Variants in HPCAL1 observed in about 807,000 individuals in gnomAD.
The protein encoded by HPCAL1 is hippocalcin like 1, also known as hippocalcin-like protein 1.
Under a neutral mutation model 17.1 loss-of-function variants are expected in HPCAL1, and 8 were observed. The observed-to-expected ratio is 0.47, with a 90% confidence interval of 0.27 to 0.84. The LOEUF is 0.84. Among genes scored for constraint, HPCAL1 ranks in the 40% least tolerant of loss-of-function variants. The probability of loss-of-function intolerance (pLI) is 0.13; values close to 1 mark genes in which losing one functional copy is unlikely to be tolerated. For missense variants in HPCAL1, 165 were observed against 271.1 expected (o/e 0.61, Z 2.75); for synonymous variants, 112 against 111.4 (o/e 1.01, Z -0.03).
chr2:10,405,491 C>G (rs190930963), intron 2 of HPCAL1, among the ~76,000 whole-genome samples: 6 of 152,364 alleles, frequency 3.9e-5, no homozygotes, highest in Admixed American at 6.5e-5. Context: ...CCCGTAGTCT[C>G]AGTTTTGCTC....
At position 10,343,137 on chromosome 2, in the gene HPCAL1, C is replaced by A. The variant is rs987879720; in HGVS notation, c.-111+39960C>A. Among the ~76,000 whole-genome samples the A allele has an allele frequency of 3.3e-5, 5 of 152,218 alleles. No homozygotes were observed. The highest frequency in any genetic ancestry group is 5.9e-5 in the Non-Finnish European group (4 of 68,040). On this transcript the variant is annotated intron_variant, in intron 1 of 4. Coordinates refer to ENST00000307845, the MANE Select transcript of HPCAL1 (RefSeq NM_002149.4). This position sits in a 1 kb window ranked among gnomAD's most constrained non-coding sequence, Gnocchi z 4.8. ...CTGATGTGCAGTGGGTATGCACTGG[C>A]AAGCCGTGCACTGTCACAATATTAA... is the stretch of plus-strand genomic sequence containing the variant.
intron 2 of HPCAL1, among the ~76,000 whole-genome samples, chr2:10,410,529 T>C (rs1423994834): frequency 7.0e-6 from 1 of 142,800 alleles, no homozygotes; most frequent in Non-Finnish European, 1.5e-5. Context: ...AAGTGACTCA[T>C]TAACTCCCTC....
At chr2:10,361,833 C>T (rs531138996) in intron 1 of HPCAL1, among the ~76,000 whole-genome samples, 3 of 151,866 alleles carry the variant, frequency 2.0e-5, no homozygotes, top group African/African-American at 7.3e-5. Flanking sequence ...TTTCCTGCTT[C>T]GGCTTCCTGA....
Position 10,415,111 on chromosome 2 carries a change from T to G in HPCAL1, c.-24-4623T>G, listed in dbSNP as rs150716453. On this transcript the variant is annotated intron_variant, in intron 2 of 4. Transcript: ENST00000307845. Reference sequence around the variant, plus strand: ...GGTGCCCCAGCTTGAGTCTCAGTGCTCTGAGGGACATAGCGCAGAGTGGGA... The same window carrying G: ...GGTGCCCCAGCTTGAGTCTCAGTGCGCTGAGGGACATAGCGCAGAGTGGGA... 7.1e-3 allele frequency among the ~76,000 whole-genome samples: 1,089 copies of G among 152,308 alleles called. 16 individuals carry two copies. The highest frequency in any genetic ancestry group is 0.025 in the African/African-American group (1,051 of 41,564).
intron 1 of HPCAL1, among the ~76,000 whole-genome samples, chr2:10,334,957 C>A (rs1664627611): frequency 1.3e-5 from 2 of 152,208 alleles, no homozygotes; most frequent in Non-Finnish European, 2.9e-5. Flanking sequence ...GGATTACAGG[C>A]GTGAGCCACT....
chr2:10,314,144 A>G (rs1436941802), intron 1 of HPCAL1, among the ~76,000 whole-genome samples: 1 of 152,120 alleles, frequency 6.6e-6, no homozygotes, highest in African/African-American at 2.4e-5. Flanking sequence ...AGGGAAAAAA[A>G]AAAAAAAAGA....
At chr2:10,400,942 C>T (rs1389373948) in intron 2 of HPCAL1, among the ~76,000 whole-genome samples, 2 of 152,218 alleles carry the variant, frequency 1.3e-5, no homozygotes, top group African/African-American at 2.4e-5. Flanking sequence ...TGCTCCATGT[C>T]GGGCTCTGTG....
intron 1 of HPCAL1, among the ~76,000 whole-genome samples, chr2:10,345,745 C>T (rs1026263448): frequency 6.6e-5 from 10 of 152,198 alleles, no homozygotes; most frequent in African/African-American, 2.4e-4. Context: ...GCATAAGCCA[C>T]TGCACCCATC....
At chr2:10,357,956 T>C (rs1006343232) in intron 1 of HPCAL1, among the ~76,000 whole-genome samples, 3 of 152,172 alleles carry the variant, frequency 2.0e-5, no homozygotes, top group Admixed American at 1.3e-4. Flanking sequence ...GAAAACAAGC[T>C]GTGACCTTGA....
chr2:10,404,666 C>G (rs561059966), intron 2 of HPCAL1, among the ~76,000 whole-genome samples: 1 of 152,248 alleles, frequency 6.6e-6, no homozygotes, highest in Non-Finnish European at 1.5e-5. Context: ...TCGGGCAGTT[C>G]TTGCATCTTG....
chr2:10,308,429 C>T (rs1163174219), intron 1 of HPCAL1, among the ~76,000 whole-genome samples: 1 of 152,198 alleles, frequency 6.6e-6, no homozygotes, highest in African/African-American at 2.4e-5. Flanking sequence ...CTGTCCCCGT[C>T]CTCAAGCCGC....
chr2:10,397,994 C>A (rs915839640), intron 2 of HPCAL1, among the ~76,000 whole-genome samples: 1 of 152,208 alleles, frequency 6.6e-6, no homozygotes, highest in African/African-American at 2.4e-5. Flanking sequence ...CCTGTGGTAT[C>A]TGGACCAGCA....
intron 2 of HPCAL1, among the ~76,000 whole-genome samples, chr2:10,409,396 G>A (rs964198174): frequency 1.3e-5 from 2 of 152,178 alleles, no homozygotes; most frequent in Admixed American, 1.3e-4. Flanking sequence ...CAGCCTCCCC[G>A]CAATCACCCA....
At chr2:10,398,649 G>A in intron 2 of HPCAL1, among the ~76,000 whole-genome samples, 1 of 152,206 alleles carries the variant, frequency 6.6e-6, no homozygotes, top group East Asian at 1.9e-4. Flanking sequence ...TGTTTCCAGG[G>A]CAAAGTGAGC....
intron 1 of HPCAL1, among the ~76,000 whole-genome samples, chr2:10,309,108 C>G (rs1296667550): frequency 2.0e-5 from 3 of 151,940 alleles, no homozygotes; most frequent in Non-Finnish European, 4.4e-5. Flanking sequence ...GATCCCAGCT[C>G]ACTGCAGCCT....
rs570856870 is a variant in HPCAL1 at position 10,354,215 on chromosome 2, G to A, written c.-110-42620G>A. The A allele has an allele frequency of 6.6e-6, 1 of 152,296 alleles. No homozygotes were observed. Among genetic ancestry groups the A allele is most frequent in the East Asian group, 1.9e-4 (1 of 5,172 alleles). The allele number at this position is 152,296 out of a possible 1,614,324, so 9.4% of individuals were successfully genotyped here. On this transcript the variant is annotated intron_variant, in intron 1 of 4. Coordinates refer to ENST00000307845, the MANE Select transcript of HPCAL1 (RefSeq NM_002149.4). This position sits in a 1 kb window ranked among gnomAD's most constrained non-coding sequence, Gnocchi z 5.1. ...ACTCATCTTCTTTCTCAACCCCTCA[G>A]GCCCAGCAGAAGTCCTCTCTGTCTT... is the stretch of plus-strand genomic sequence containing the variant.
rs1304544437 is a variant in HPCAL1, at chr2:10,426,924, C to T, written c.*103C>T. 8.8e-7 allele frequency: 1 copy of T among 1,141,386 alleles called. No individual in the cohort carries two copies. The highest frequency in any genetic ancestry group is 1.3e-5 in the South Asian group (1 of 78,470). 70.7% of individuals were successfully genotyped at this position (1,141,386 alleles called of 1,614,324 possible). On this transcript the variant is annotated 3_prime_UTR_variant, in exon 5 of 5. Transcript: ENST00000307845. Reference sequence around the variant, plus strand: ...CCGCAATCGTTCCTGCTCTCCCGGGCCCCGGGCCTGGGGCATGCGTTGCAC... The same window carrying T: ...CCGCAATCGTTCCTGCTCTCCCGGGTCCCGGGCCTGGGGCATGCGTTGCAC...
In HPCAL1 at chr2:10,344,620, T is replaced by C. The variant is rs1270196125; in HGVS notation, c.-111+41443T>C. Among the ~76,000 whole-genome samples the C allele has an allele frequency of 6.6e-6, 1 of 152,208 alleles. No individual in the cohort carries two copies. Among genetic ancestry groups the C allele is most frequent in the Non-Finnish European group, 1.5e-5 (1 of 68,040 alleles). ...CATCTGGCAGCTCAGAAATATTTTA[T>C]AATCAAATGAGTAAGACGGGCGTCC... is the stretch of plus-strand genomic sequence containing the variant. On this transcript the variant is annotated intron_variant, in intron 1 of 4. Coordinates refer to ENST00000307845, the MANE Select transcript of HPCAL1 (RefSeq NM_002149.4). This position sits in a 1 kb window ranked among gnomAD's most constrained non-coding sequence, Gnocchi z 4.9.
rs559214633 is a variant in HPCAL1 at position 10,347,854 on chromosome 2, A to C, written c.-111+44677A>C. ...TAATTCAGACAAGGTTGGGTTTAGC[A>C]AACTGTGTCTCAAACATAAGAAAAT... On this transcript the variant is annotated intron_variant, in intron 1 of 4. Coordinates refer to ENST00000307845, the MANE Select transcript of HPCAL1 (RefSeq NM_002149.4). Among the ~76,000 whole-genome samples, 13 of 152,294 alleles carry C rather than the reference A, an allele frequency of 8.5e-5. No individual in the cohort carries two copies. The South Asian group carries it at 2.5e-3, about 29-fold the overall frequency.
Sources: allele counts gnomAD v4.1 joint callset (sites outside exome capture counted in the v4.1 genomes callset), GRCh38; gene constraint gnomAD v4.1.1; non-coding constraint Gnocchi (gnomAD v3.1); transcripts MANE v1.5; gene names NCBI Gene and HGNC (gene_info 2026-07-23, HGNC 2026-07-21).